The following CLEC12A variants were observed in gnomAD, a reference collection of about 807,000 sequenced individuals.
The protein encoded by CLEC12A is C-type lectin protein CLL-1.
In CLEC12A, 22 loss-of-function variants were observed where a neutral mutation model predicts 26.5. The ratio of observed to expected loss-of-function variants is 0.83; its 90% CI spans 0.59 to 1.19. CLEC12A has a LOEUF of 1.19. CLEC12A is among the 50% of genes most tolerant of loss of function. CLEC12A has a pLI of 0.00. For missense variants in CLEC12A, 353 were observed against 315.6 expected (o/e 1.12, Z -0.90); for synonymous variants, 119 against 101.9 (o/e 1.17, Z -1.01).
At chr12:9,953,079 G>A (rs1863659093) in intron 1 of CLEC12A, 1 of 148,564 alleles carries the variant, frequency 6.7e-6, no homozygotes, top group African/African-American at 2.6e-5. Flanking sequence ...GTCCGGGAGG[G>A]AGGTGGGGGG....
At position 9,980,670 on chromosome 12, in the gene CLEC12A, G is replaced by C. The variant is rs780910855; in HGVS notation, c.468G>C (p.Glu156Asp). The change falls in exon 4 of 6, where the codon GAG (glutamate) becomes GAC (aspartate). Residue 156 changes from glutamate to aspartate, a missense_variant. Glu to Asp is a conservative substitution (Grantham distance 45). Coordinates refer to ENST00000304361, the MANE Select transcript of CLEC12A (RefSeq NM_138337.6). The stretch of plus-strand genomic sequence containing the variant: ...GTGATGATGTCCAAACATGGCAGGA[G>C]AGTAAAATGGCCTGTGCTGCTCAGA... Reference protein sequence around the residue: ...FLSDDVQTWQESKMACAAQNA... With the variant: ...FLSDDVQTWQDSKMACAAQNA... The C allele has an allele frequency of 1.9e-6, 3 of 1,613,938 alleles. No individual in the cohort carries two copies.
chr12:9,974,136 G>A (rs571966564), intron 1 of CLEC12A, among the ~76,000 whole-genome samples: 52 of 152,220 alleles, frequency 3.4e-4, no homozygotes, highest in African/African-American at 1.2e-3. Flanking sequence ...CATCCCAATA[G>A]TCACATGTCT....
intron 1 of CLEC12A, among the ~76,000 whole-genome samples, chr12:9,964,616 G>C (rs1035819786): frequency 6.6e-6 from 1 of 152,300 alleles, no homozygotes; most frequent in South Asian, 2.1e-4. Context: ...AAATCCTCGA[G>C]CTTGATGTGT....
chr12:9,976,495 A>G (rs539185248), intron 1 of CLEC12A, among the ~76,000 whole-genome samples: 10 of 152,316 alleles, frequency 6.6e-5, no homozygotes, highest in African/African-American at 2.4e-4. Flanking sequence ...TCCCATTTGG[A>G]ATGACCGTAT....
At chr12:9,954,604 C>T (rs1196239893) in intron 1 of CLEC12A, among the ~76,000 whole-genome samples, 2 of 152,204 alleles carry the variant, frequency 1.3e-5, no homozygotes, top group African/African-American at 4.8e-5. Context: ...TGAACATGTT[C>T]ATAAACCAGT....
At chr12:9,968,464 TG>T (rs1565552157), upstream of CLEC12A, among the ~76,000 whole-genome samples, 1 of 149,700 alleles carries the variant, frequency 6.7e-6, no homozygotes, top group South Asian at 2.1e-4. Context: ...CGGGCAGGAG[TG>T]GGGGTAACAA....
At chr12:10,001,918 C>A in the CLEC12A span, among the ~76,000 whole-genome samples, 212 of 135,648 alleles carry the variant, frequency 1.6e-3, 1 homozygote, top group Non-Finnish European at 2.7e-3. Context: ...CTTGCTCTGT[C>A]GTCCAGGCTG....
rs377385034 is a variant in CLEC12A at position 9,963,053 on chromosome 12, C to T, written c.11-8524C>T. On this transcript the variant is annotated intron_variant, in intron 1 of 6. Coordinates refer to the CLEC12A transcript ENST00000355690. The stretch of plus-strand genomic sequence containing the variant: ...GCTAAGGGGTGATATTGTGGAGTTG[C>T]TAGAAGAAACATTTGTCATTTAGAA... Among the ~76,000 whole-genome samples the T allele has an allele frequency of 3.2e-3, 486 of 152,122 alleles. 5 individuals are homozygous for T. The highest frequency in any genetic ancestry group is 8.9e-3 in the African/African-American group (371 of 41,482).
chr12:9,981,375 A>C (rs568204936), intron 4 of CLEC12A, among the ~76,000 whole-genome samples: 1 of 152,276 alleles, frequency 6.6e-6, no homozygotes, highest in East Asian at 1.9e-4. Flanking sequence ...CTCACATAGC[A>C]ATCATATATT....
chr12:9,985,585 C>T lies in CLEC12A; in HGVS notation c.*559C>T, dbSNP rs1020912355. ...TTAAGTAAAAGCCAATAAACAAAAA[C>T]GAAAAGGCAAGTTACGAGACTGACT... On this transcript the variant is annotated 3_prime_UTR_variant, in exon 6 of 6. Coordinates refer to ENST00000304361, the MANE Select transcript of CLEC12A (RefSeq NM_138337.6). The T allele has an allele frequency of 1.5e-5, 6 of 397,812 alleles. No homozygotes were observed. The highest frequency in any genetic ancestry group is 2.6e-4 in the South Asian group (2 of 7,836). 24.6% of individuals were successfully genotyped at this position (397,812 alleles called of 1,614,324 possible).
the CLEC12A span, among the ~76,000 whole-genome samples, chr12:10,006,138 G>A: frequency 6.6e-6 from 1 of 152,202 alleles, no homozygotes; most frequent in African/African-American, 2.4e-5. Flanking sequence ...AGAGCAGCAA[G>A]AATTGTCAAA....
At chr12:9,995,843 T>A (rs981050683), downstream of CLEC12A, 1 of 159,452 alleles carries the variant, frequency 6.3e-6, no homozygotes, top group Admixed American at 6.0e-5. Flanking sequence ...TCATTTGCTT[T>A]GTTTCTTGGC....
In CLEC12A at chr12:9,978,985, T is replaced by C. The variant is rs200491006; in HGVS notation, c.111T>C (p.His37=). The C allele has an allele frequency of 1.2e-6, 2 of 1,613,936 alleles. No homozygotes were observed. Among genetic ancestry groups the C allele is most frequent in the Non-Finnish European group, 1.7e-6 (2 of 1,179,830 alleles). ...FGEKAPPAPS[H]VWRPAALFLT... ...CCACAGCACCTCCAGCTCCCTCTCATGTATGGCGTCCAGCAGCCTTGTTTC... is the reference window on the plus strand; with the variant it reads ...CCACAGCACCTCCAGCTCCCTCTCACGTATGGCGTCCAGCAGCCTTGTTTC... The change falls in exon 2 of 6, where the codon CAT becomes CAC. Residue 37 remains histidine, a synonymous_variant. Transcript: ENST00000304361.
At chr12:9,970,789 C>T (rs1408415586), upstream of CLEC12A, among the ~76,000 whole-genome samples, 1 of 152,174 alleles carries the variant, frequency 6.6e-6, no homozygotes, top group Non-Finnish European at 1.5e-5. Flanking sequence ...CATCAGTATG[C>T]ATACTCTCTG....
chr12:9,979,799 C>T (rs1467911872), intron 3 of CLEC12A, among the ~76,000 whole-genome samples: 1 of 152,138 alleles, frequency 6.6e-6, no homozygotes, highest in Non-Finnish European at 1.5e-5. Context: ...CTGTCACTTA[C>T]TATAATTATT....
chr12:10,001,831 T>C, the CLEC12A span, among the ~76,000 whole-genome samples: 3,467 of 152,272 alleles, frequency 0.023, 56 homozygotes, highest in Non-Finnish European at 0.036. Flanking sequence ...GAATATCTTA[T>C]TCTCTTCTCC....
At chr12:10,001,105 G>A in the CLEC12A span, among the ~76,000 whole-genome samples, 1 of 152,138 alleles carries the variant, frequency 6.6e-6, no homozygotes, top group African/African-American at 2.4e-5. Context: ...AGGACATTGA[G>A]ACAATTTTTA....
exon 5 of CLEC12A, chr12:9,995,404 T>A (rs1006101140): frequency 2.5e-5 from 17 of 690,702 alleles, no homozygotes; most frequent in Non-Finnish European, 2.6e-6. Flanking sequence ...TGTACCAATT[T>A]GACTTGTCTG....
chr12:9,988,604 C>T (rs2137219959), downstream of CLEC12A, among the ~76,000 whole-genome samples: 1 of 152,310 alleles, frequency 6.6e-6, no homozygotes, highest in East Asian at 1.9e-4. Context: ...CCAAAAGACA[C>T]ATGTAAAAGT....
Sources: gnomAD v4.1 joint callset for allele counts (sites outside exome capture counted in the v4.1 genomes callset) on GRCh38, gnomAD v4.1.1 for gene constraint, MANE v1.5 for transcripts, NCBI Gene and HGNC (gene_info 2026-07-23, HGNC 2026-07-21) for gene names.